RORA: variants seen among roughly 807,000 people sequenced by gnomAD.
RORA encodes RAR related orphan receptor A.
A neutral mutation model predicts 69.5 loss-of-function variants in RORA; 7 were observed. That is an observed-to-expected ratio of 0.10 (90% CI 0.06 to 0.19). The LOEUF (loss-of-function observed/expected upper bound fraction) is 0.19, where lower values mean the gene tolerates loss of function less well. RORA is among the 10% of genes least tolerant of loss of function. The probability of loss-of-function intolerance (pLI) is 1.00; values close to 1 mark genes in which losing one functional copy is unlikely to be tolerated. For synonymous variants in RORA, 261 were observed against 240.8 expected, an observed-to-expected ratio of 1.08 and a Z score of -0.78; for missense variants, 457 against 663.0, an observed-to-expected ratio of 0.69 and a Z score of 3.41.
chr15:61,196,516 G>T (rs1390776879), intron 1 of RORA, among the ~76,000 whole-genome samples: 1 of 152,246 alleles, frequency 6.6e-6, no homozygotes, highest in East Asian at 1.9e-4. Flanking sequence ...GCACTGAGAA[G>T]CTGCACAAGC....
intron 1 of RORA, among the ~76,000 whole-genome samples, chr15:60,937,978 A>G (rs1892576395): frequency 6.6e-6 from 1 of 152,188 alleles, no homozygotes. Context: ...GGTGGATCAT[A>G]TTATCTGCAA....
chr15:60,620,712 G>A (rs541842708), intron 2 of RORA, among the ~76,000 whole-genome samples: 16 of 152,360 alleles, frequency 1.1e-4, no homozygotes, highest in African/African-American at 3.6e-4. Flanking sequence ...GGCTCTGGAA[G>A]TTACCAGGTT....
chr15:60,957,737 G>A (rs1330499157), intron 1 of RORA, among the ~76,000 whole-genome samples: 1 of 152,160 alleles, frequency 6.6e-6, no homozygotes, highest in East Asian at 1.9e-4. Context: ...GAGAAAGGGG[G>A]GACAGTATGA....
At chr15:60,524,269 A>C (rs1191894847) in intron 3 of RORA, among the ~76,000 whole-genome samples, 2 of 152,016 alleles carry the variant, frequency 1.3e-5, no homozygotes, top group Non-Finnish European at 2.9e-5. Flanking sequence ...CCCTGCTTCC[A>C]TTCTCATTCC....
chr15:60,722,300 G>C (rs1302686000), intron 1 of RORA, among the ~76,000 whole-genome samples: 2 of 152,200 alleles, frequency 1.3e-5, no homozygotes, highest in African/African-American at 2.4e-5. Context: ...GTTCCAGTGA[G>C]TGAAACTGAA....
chr15:61,153,857 G>A (rs928231704), intron 1 of RORA, among the ~76,000 whole-genome samples: 2 of 152,190 alleles, frequency 1.3e-5, no homozygotes, highest in African/African-American at 2.4e-5. Flanking sequence ...GGCCCAGGCC[G>A]GAACAGGACG....
rs192881614 is a variant in RORA, at chr15:60,568,643, C to A, written c.197-36792G>T. On this transcript the variant is annotated intron_variant, in intron 2 of 10. Coordinates refer to ENST00000335670, the MANE Select transcript of RORA (RefSeq NM_134261.3). ...AGCAGGCCAGGCACAGATCCTGGAACACATCAGACCAAAGTCCAGGACCTC... is the reference window on the plus strand; with the variant it reads ...AGCAGGCCAGGCACAGATCCTGGAAAACATCAGACCAAAGTCCAGGACCTC... Among the ~76,000 whole-genome samples, 16 of 152,338 alleles carry A rather than the reference C, an allele frequency of 1.1e-4. No homozygotes were observed. In the East Asian group the frequency reaches 3.1e-3, roughly 29 times the overall value.
rs759335362 is a variant in RORA, at chr15:60,501,094, T to A, written c.1184-25A>T. The A allele has an allele frequency of 5.1e-6, 7 of 1,365,932 alleles. No homozygotes were observed. In the African/African-American group the frequency reaches 1.0e-4, roughly 20 times the overall value. 84.6% of individuals were successfully genotyped at this position (1,365,932 alleles called of 1,614,324 possible). ...CCTGCCAAAATGAAAACAAAGACAG[T>A]TTAGAATTTTGATTATTGTCTTAGG... is the stretch of plus-strand genomic sequence containing the variant. On this transcript the variant is annotated intron_variant, in intron 8 of 10. Coordinates refer to ENST00000335670, the MANE Select transcript of RORA (RefSeq NM_134261.3).
intron 1 of RORA, among the ~76,000 whole-genome samples, chr15:61,177,947 G>GC (rs2079646120): frequency 6.7e-6 from 1 of 148,974 alleles, no homozygotes; most frequent in Admixed American, 6.8e-5. Context: ...GGGCAACAGA[G>GC]CAAGACTCCA....
rs1185997981 is a variant in RORA, at chr15:61,185,666, T to C, written c.166+43387A>G. ...GCTATTGATCATGCAACAACTGAAA[T>C]AACCTAAACTACCACTCTGTTCCAT... is the stretch of plus-strand genomic sequence containing the variant. On this transcript the variant is annotated intron_variant, in intron 1 of 10. Transcript: ENST00000335670. Among the ~76,000 whole-genome samples, 3 of 152,326 alleles carry C rather than the reference T, an allele frequency of 2.0e-5. No homozygotes were observed. In the East Asian group the frequency reaches 5.8e-4, roughly 29 times the overall value.
chr15:60,678,816 A>C, intron 1 of RORA, 130 bp from the exon 2 acceptor site: 1 of 744,548 alleles, frequency 1.3e-6, no homozygotes, highest in South Asian at 1.6e-5. Context: ...ACCAGTTTTA[A>C]CATTGCACAG....
intron 3 of RORA, among the ~76,000 whole-genome samples, chr15:60,526,220 T>C (rs1401764205): frequency 3.3e-5 from 5 of 152,208 alleles, no homozygotes; most frequent in Admixed American, 3.3e-4. Context: ...CCCTGTAGAA[T>C]TGTATGCGCA....
At chr15:60,822,928 C>T (rs1285446165) in intron 1 of RORA, among the ~76,000 whole-genome samples, 1 of 152,124 alleles carries the variant, frequency 6.6e-6, no homozygotes, top group African/African-American at 2.4e-5. Flanking sequence ...TGTTAGAATC[C>T]AAATTCTACA....
At chr15:60,552,036 C>T (rs967438594) in intron 2 of RORA, among the ~76,000 whole-genome samples, 4 of 152,174 alleles carry the variant, frequency 2.6e-5, no homozygotes, top group African/African-American at 9.7e-5. Flanking sequence ...GGACACAAAA[C>T]ACAGGATCCT....
At chr15:60,699,340 T>C (rs866926206) in intron 1 of RORA, among the ~76,000 whole-genome samples, 10 of 152,204 alleles carry the variant, frequency 6.6e-5, no homozygotes, top group Non-Finnish European at 1.3e-4. Flanking sequence ...CTAAATATAC[T>C]TTTTTCTTGC....
At chr15:61,129,708 C>A (rs764665273) in intron 1 of RORA, among the ~76,000 whole-genome samples, 4 of 152,208 alleles carry the variant, frequency 2.6e-5, no homozygotes, top group Non-Finnish European at 5.9e-5. Context: ...GGGCACTCTG[C>A]TAACCCTACC....
intron 1 of RORA, among the ~76,000 whole-genome samples, chr15:60,924,841 G>A (rs753898182): frequency 4.6e-5 from 7 of 152,160 alleles, no homozygotes; most frequent in Non-Finnish European, 1.0e-4. Context: ...CACTTTGGGA[G>A]GCCGAGGTGG....
intron 1 of RORA, among the ~76,000 whole-genome samples, chr15:60,910,306 C>G (rs932502193): frequency 6.6e-6 from 1 of 152,232 alleles, no homozygotes; most frequent in Non-Finnish European, 1.5e-5. Flanking sequence ...AACCCAGAAT[C>G]TTAAAAATGC....
At chr15:60,967,273 T>A (rs1281492409) in intron 1 of RORA, among the ~76,000 whole-genome samples, 2 of 152,268 alleles carry the variant, frequency 1.3e-5, no homozygotes, top group Admixed American at 1.3e-4. Flanking sequence ...CATATTTATA[T>A]GCATGTTTAC....
Sources: allele counts gnomAD v4.1 joint callset (sites outside exome capture counted in the v4.1 genomes callset), GRCh38; gene constraint gnomAD v4.1.1; transcripts MANE v1.5; gene names NCBI Gene and HGNC (gene_info 2026-07-23, HGNC 2026-07-21).